The following OSBPL6 variants were observed in gnomAD, a reference collection of about 807,000 sequenced individuals.
OSBPL6 encodes the protein oxysterol-binding protein-related protein 6.
OSBPL6 carries 49 observed loss-of-function variants against 125.8 expected under a neutral mutation model. That is an observed-to-expected ratio of 0.39 (90% CI 0.31 to 0.49). OSBPL6 has a LOEUF of 0.49. Among genes scored for constraint, OSBPL6 ranks in the 20% least tolerant of loss-of-function variants. OSBPL6 has a pLI of 0.88. For synonymous variants in OSBPL6, 394 were observed against 391.8 expected, an observed-to-expected ratio of 1.01 and a Z score of -0.07; for missense variants, 986 against 1,135.4, an observed-to-expected ratio of 0.87 and a Z score of 1.89.
At chr2:178,307,638 T>A (rs1404327664) in intron 3 of OSBPL6, among the ~76,000 whole-genome samples, 1 of 152,082 alleles carries the variant, frequency 6.6e-6, no homozygotes, top group Non-Finnish European at 1.5e-5. Context: ...TATTCTGAGA[T>A]GCTTTCTAAG....
At chr2:178,313,967 A>G (rs1169001369) in intron 3 of OSBPL6, among the ~76,000 whole-genome samples, 3 of 152,242 alleles carry the variant, frequency 2.0e-5, no homozygotes, top group Non-Finnish European at 4.4e-5. Flanking sequence ...AATGTCTCTC[A>G]TCAACATCTA....
chr2:178,225,096 A>T (rs958637039), intron 1 of OSBPL6, among the ~76,000 whole-genome samples: 2 of 152,044 alleles, frequency 1.3e-5, no homozygotes, highest in African/African-American at 4.8e-5. Flanking sequence ...GGCTATTATG[A>T]CAGGTGGCAG....
intron 11 of OSBPL6, among the ~76,000 whole-genome samples, chr2:178,347,980 G>A (rs1267616914): frequency 6.6e-6 from 1 of 152,178 alleles, no homozygotes; most frequent in African/African-American, 2.4e-5. Flanking sequence ...CCAGGACAAT[G>A]CTGCATCAGA....
At chr2:178,302,952 C>T (rs1462406005) in intron 2 of OSBPL6, among the ~76,000 whole-genome samples, 2 of 152,168 alleles carry the variant, frequency 1.3e-5, no homozygotes, top group East Asian at 1.9e-4. Flanking sequence ...ACAAAAGTAC[C>T]TCCTTTTTGG....
chr2:178,262,297 A>G (rs1341401325), intron 1 of OSBPL6, among the ~76,000 whole-genome samples: 2 of 152,210 alleles, frequency 1.3e-5, no homozygotes, highest in African/African-American at 2.4e-5. Flanking sequence ...AATATCTTCA[A>G]TAGTGAAGTA....
In OSBPL6 at chr2:178,401,119, G is replaced by A. The variant is rs1696091870; in HGVS notation, c.*5560G>A. The A allele has an allele frequency of 6.6e-6, 1 of 152,226 alleles. No individual in the cohort carries two copies. The highest frequency in any genetic ancestry group is 1.5e-5 in the Non-Finnish European group (1 of 68,040). 9.4% of individuals were successfully genotyped at this position (152,226 alleles called of 1,614,324 possible). A position where few individuals can be genotyped will look rare whatever the true frequency, so the allele number is the denominator to read the frequency against. ...TGGTGATGTAACACCACTTGGTGGT[G>A]GCGCTGAGGAAACCCTGGGAAGTGT... On this transcript the variant is annotated 3_prime_UTR_variant, in exon 25 of 25. Transcript: ENST00000190611.
intron 1 of OSBPL6, among the ~76,000 whole-genome samples, chr2:178,265,143 A>G (rs1402500680): frequency 1.4e-5 from 2 of 138,630 alleles, no homozygotes; most frequent in Non-Finnish European, 3.0e-5. Context: ...TGGCCTCCCA[A>G]AGTGCTAGGA....
rs1696019171 is a variant in OSBPL6 at position 178,399,152 on chromosome 2, T to A, written c.*3593T>A. 1 of 152,202 alleles carries A rather than the reference T, an allele frequency of 6.6e-6. No individual in the cohort carries two copies. The highest frequency in any genetic ancestry group is 2.1e-4 in the South Asian group (1 of 4,836). 9.4% of individuals were successfully genotyped at this position (152,202 alleles called of 1,614,324 possible). A position where few individuals can be genotyped will look rare whatever the true frequency, so the allele number is the denominator to read the frequency against. On this transcript the variant is annotated 3_prime_UTR_variant, in exon 25 of 25. Transcript: ENST00000190611. ...TGGGAGCCATTATGTTCAGGATATA[T>A]AAAATGTATCTAATTAAACAATTTT...
chr2:178,303,803 A>G (rs952841649), intron 2 of OSBPL6, among the ~76,000 whole-genome samples: 4 of 152,168 alleles, frequency 2.6e-5, no homozygotes, highest in Admixed American at 6.5e-5. Flanking sequence ...CACAGGACAC[A>G]GGACTCAATG....
At chr2:178,200,199 A>ATAATG (rs1231794874) in intron 1 of OSBPL6, among the ~76,000 whole-genome samples, 3 of 151,390 alleles carry the variant, frequency 2.0e-5, no homozygotes, top group Non-Finnish European at 4.4e-5. Flanking sequence ...ATGCAAATCA[A>ATAATG]TAATGTATGA....
At chr2:178,329,352 C>T (rs945968054) in intron 5 of OSBPL6, among the ~76,000 whole-genome samples, 1 of 152,010 alleles carries the variant, frequency 6.6e-6, no homozygotes, top group African/African-American at 2.4e-5. Context: ...AGGATTCTGT[C>T]ATACTAAGGA....
intron 1 of OSBPL6, among the ~76,000 whole-genome samples, chr2:178,195,958 C>T (rs1208232688): frequency 2.0e-5 from 3 of 151,908 alleles, no homozygotes; most frequent in African/African-American, 4.8e-5. Context: ...CTTTGTTTTC[C>T]TCTTGTTTTG....
chr2:178,205,829 G>A (rs1311888200), intron 1 of OSBPL6, among the ~76,000 whole-genome samples: 1 of 152,170 alleles, frequency 6.6e-6, no homozygotes, highest in Non-Finnish European at 1.5e-5. Flanking sequence ...AGGGCATTAT[G>A]TCGCTAAGCA....
rs757673635 is a variant in OSBPL6, at chr2:178,328,430, T to A, written c.318+52T>A. 6.3e-6 allele frequency: 10 copies of A among 1,588,092 alleles called. No homozygotes were observed. In the Admixed American group the frequency reaches 1.6e-4, roughly 26 times the overall value. ...AGACCATCTTCATAAATAAAGAAGA[T>A]CTTATTTGCTATCATGGGGTGGGAA... On this transcript the variant is annotated intron_variant, in intron 5 of 24. Coordinates refer to ENST00000190611, the MANE Select transcript of OSBPL6 (RefSeq NM_032523.4).
At chr2:178,304,813 G>C (rs1392516416) in intron 2 of OSBPL6, among the ~76,000 whole-genome samples, 1 of 152,138 alleles carries the variant, frequency 6.6e-6, no homozygotes, top group African/African-American at 2.4e-5. Context: ...TCTGACTCTA[G>C]TCATATTGGC....
At chr2:178,283,785 A>G (rs62179161) in intron 1 of OSBPL6, among the ~76,000 whole-genome samples, 30,117 of 152,120 alleles carry the variant, frequency 0.2, 3,248 homozygotes, top group African/African-American at 0.26. Context: ...AAGATGAAGG[A>G]GAGCTGTTAT....
chr2:178,351,079 AG>A (rs1691213034), intron 12 of OSBPL6, among the ~76,000 whole-genome samples: 2 of 152,190 alleles, frequency 1.3e-5, no homozygotes, highest in Admixed American at 6.5e-5. Context: ...TAGGTATAGA[AG>A]GAAAGTTTCT....
intron 11 of OSBPL6, chr2:178,344,346 G>A: frequency 6.2e-7 from 1 of 1,614,138 alleles, no homozygotes; most frequent in Non-Finnish European, 8.5e-7. Context: ...GCTAGCGGCA[G>A]CAGTGGCTAC....
chr2:178,311,281 T>C (rs1687244951), intron 3 of OSBPL6, among the ~76,000 whole-genome samples: 1 of 152,084 alleles, frequency 6.6e-6, no homozygotes, highest in African/African-American at 2.4e-5. Context: ...CATCTAGCCA[T>C]CCCCCGGTTT....
Sources: allele counts gnomAD v4.1 joint callset (sites outside exome capture counted in the v4.1 genomes callset), GRCh38; gene constraint gnomAD v4.1.1; transcripts MANE v1.5; gene names NCBI Gene and HGNC (gene_info 2026-07-23, HGNC 2026-07-21).